TNIK: variants seen among roughly 807,000 people sequenced by gnomAD.
The protein encoded by TNIK is TRAF2 and NCK-interacting protein kinase.
In TNIK, 49 loss-of-function variants were observed where a neutral mutation model predicts 191.3. The observed-to-expected ratio is 0.26, with a 90% CI of 0.20 to 0.32. TNIK has a LOEUF of 0.32. Ranked by LOEUF, TNIK falls within the 10% of genes least tolerant of loss-of-function variation. The pLI, the probability that TNIK is intolerant of heterozygous loss-of-function variation, is 1.00. For missense variants in TNIK, 1,155 were observed against 1,702.3 expected (o/e 0.68, Z 5.66); for synonymous variants, 594 against 600.9 (o/e 0.99, Z 0.17).
In TNIK at chr3:171,093,944, G is replaced by C; in HGVS notation, c.2616C>G (p.Asn872Lys). 1 of 1,612,896 alleles carries C rather than the reference G, an allele frequency of 6.2e-7. No individual in the cohort carries two copies. The highest frequency in any genetic ancestry group is 8.5e-7 in the Non-Finnish European group (1 of 1,179,434). ...CCACCATTCCCACATTGTACTGCTC[G>C]TTGCTGCCTGGAGCTCCTGTTGGTC... ...RLIPTGAPGS[N>K]EQYNVGMVGT... is the part of the protein sequence containing the mutation. The change falls in exon 23 of 33, where the codon AAC (asparagine) becomes AAG (lysine). Residue 872 changes from asparagine to lysine, a missense_variant. Transcript: ENST00000436636.
chr3:171,156,200 A>G (rs1733154329), intron 12 of TNIK, among the ~76,000 whole-genome samples: 1 of 152,204 alleles, frequency 6.6e-6, no homozygotes, highest in African/African-American at 2.4e-5. Context: ...CATTACTAAA[A>G]TCACTCAATA....
At chr3:171,190,030 A>C (rs1215865401) in intron 6 of TNIK, among the ~76,000 whole-genome samples, 2 of 152,230 alleles carry the variant, frequency 1.3e-5, no homozygotes, top group African/African-American at 4.8e-5. Flanking sequence ...TCTAGATGAC[A>C]AGTTACATAT....
At chr3:171,200,214 C>T (rs1739234973) in intron 4 of TNIK, among the ~76,000 whole-genome samples, 1 of 151,770 alleles carries the variant, frequency 6.6e-6, no homozygotes, top group South Asian at 2.1e-4. Context: ...AAATAAATAA[C>T]TGGGTCAGAA....
At chr3:171,070,001 A>G (rs1280454042) in intron 29 of TNIK, among the ~76,000 whole-genome samples, 1 of 152,218 alleles carries the variant, frequency 6.6e-6, no homozygotes, top group Non-Finnish European at 1.5e-5. Flanking sequence ...GTCAGAAAGA[A>G]CATTTTGCAC....
intron 1 of TNIK, among the ~76,000 whole-genome samples, chr3:171,412,417 A>G (rs1008557160): frequency 1.3e-5 from 2 of 152,232 alleles, no homozygotes; most frequent in African/African-American, 4.8e-5. Flanking sequence ...CTTGTGCCAA[A>G]ATTTAAGTCT....
chr3:171,395,786 C>A (rs1270822547), intron 1 of TNIK, among the ~76,000 whole-genome samples: 1 of 152,130 alleles, frequency 6.6e-6, no homozygotes, highest in Non-Finnish European at 1.5e-5. Context: ...GTACCCACCA[C>A]CCTGCTTAGG....
intron 2 of TNIK, among the ~76,000 whole-genome samples, chr3:171,249,924 A>G (rs1746044542): frequency 1.3e-5 from 2 of 152,282 alleles, no homozygotes; most frequent in Non-Finnish European, 1.5e-5. Flanking sequence ...TTGTCAGGCT[A>G]AGGTTTTACA....
intron 11 of TNIK, 81 bp from the exon 12 acceptor site, chr3:171,157,745 G>A (rs1733412210): frequency 7.2e-7 from 1 of 1,386,146 alleles, no homozygotes; most frequent in Admixed American, 2.1e-5. Context: ...AGGAAAGCGG[G>A]ACAAATGATT....
chr3:171,277,299 A>G (rs1749864067), intron 2 of TNIK, among the ~76,000 whole-genome samples: 1 of 152,210 alleles, frequency 6.6e-6, no homozygotes, highest in Non-Finnish European at 1.5e-5. Flanking sequence ...TCTATAAATT[A>G]TGGCATTCTG....
chr3:171,308,875 G>GTTA (rs141799956), intron 2 of TNIK, among the ~76,000 whole-genome samples: 74,254 of 151,598 alleles, frequency 0.49, 18,711 homozygotes, highest in Middle Eastern at 0.51. Flanking sequence ...AGTTAGAATG[G>GTTA]TTATTAAAAA....
chr3:171,095,011 A>G (rs1722533598), intron 22 of TNIK, among the ~76,000 whole-genome samples: 1 of 152,226 alleles, frequency 6.6e-6, no homozygotes, highest in African/African-American at 2.4e-5. Context: ...AAGAAGAAAT[A>G]TCTACTAAGA....
intron 2 of TNIK, among the ~76,000 whole-genome samples, chr3:171,270,156 T>G (rs1482728136): frequency 6.6e-6 from 1 of 152,154 alleles, no homozygotes; most frequent in African/African-American, 2.4e-5. Context: ...CTTTCTAAGT[T>G]TAGAAGGAGC....
rs745774839 is a variant in TNIK, at chr3:171,284,024, C to T, written c.124-55803G>A. On this transcript the variant is annotated intron_variant, in intron 2 of 32. Transcript: ENST00000436636. ...AACTTTCTGGGTTTCACCATTTGCCCGTTATCCCCTGAGAAACATCAGCAT... is the reference window on the plus strand; with the variant it reads ...AACTTTCTGGGTTTCACCATTTGCCTGTTATCCCCTGAGAAACATCAGCAT... Among the ~76,000 whole-genome samples, 35 of 152,186 alleles carry T rather than the reference C, an allele frequency of 2.3e-4. 1 individual carries two copies. Among genetic ancestry groups the T allele is most frequent in the Non-Finnish European group, 3.8e-4 (26 of 68,004 alleles).
intron 2 of TNIK, among the ~76,000 whole-genome samples, chr3:171,285,966 C>G (rs1365848571): frequency 1.6e-5 from 2 of 126,804 alleles, no homozygotes; most frequent in Non-Finnish European, 3.5e-5. Flanking sequence ...GATGGTTTGG[C>G]CTGCTCATCC....
intron 4 of TNIK, among the ~76,000 whole-genome samples, chr3:171,198,212 G>A (rs180721251): frequency 6.0e-5 from 9 of 151,246 alleles, no homozygotes; most frequent in Non-Finnish European, 1.3e-4. Flanking sequence ...GCAGTGAGCC[G>A]AGATTGCACC....
Position 171,126,145 on chromosome 3 carries a change from G to A in TNIK, c.1780C>T (p.His594Tyr), listed in dbSNP as rs902718462. 6.5e-7 allele frequency: 1 copy of A among 1,535,542 alleles called. No individual in the cohort carries two copies. The highest frequency in any genetic ancestry group is 8.7e-7 in the Non-Finnish European group (1 of 1,145,222). ...CCCTGGGATTTTACAGCTACCAGAT[G>A]TGGGATCTAAGCATCAAAACAACAT... ...MLRPVDPQIP[H>Y]LVAVKSQGPA... The change falls in exon 17 of 33, where the codon CAT (histidine) becomes TAT (tyrosine). Residue 594 changes from histidine to tyrosine, a missense_variant. Physicochemically the swap from His to Tyr is moderately conservative, Grantham distance 83. This residue lies in a region of TNIK where 735 missense variants were observed against 848.0 expected (regional missense o/e 0.87). Coordinates refer to ENST00000436636, the MANE Select transcript of TNIK (RefSeq NM_015028.4).
intron 4 of TNIK, among the ~76,000 whole-genome samples, chr3:171,205,861 G>A (rs1283523674): frequency 6.6e-6 from 1 of 152,142 alleles, no homozygotes; most frequent in Non-Finnish European, 1.5e-5. Flanking sequence ...GGAGCTCTCT[G>A]GGTTCTTTTT....
intron 6 of TNIK, among the ~76,000 whole-genome samples, 176 bp from the exon 7 acceptor site, chr3:171,189,008 T>G (rs183801617): frequency 1.3e-5 from 2 of 152,340 alleles, no homozygotes; most frequent in East Asian, 3.9e-4. Flanking sequence ...TGTGCAACCT[T>G]CACCACTGTC....
rs142182909 is a variant in TNIK, at chr3:171,182,733, T to C, written c.640-5353A>G. ...GAAAGCATTCCTTCTGGGGCTGGGC[T>C]GCTCAACACAGTGAAGAAAAGCAAC... On this transcript the variant is annotated intron_variant, in intron 7 of 32. Coordinates refer to ENST00000436636, the MANE Select transcript of TNIK (RefSeq NM_015028.4). Among the ~76,000 whole-genome samples the C allele has an allele frequency of 3.9e-3, 590 of 152,320 alleles. 1 individual carries two copies. The highest frequency in any genetic ancestry group is 0.014 in the African/African-American group (569 of 41,582).
Sources: gnomAD v4.1 joint callset for allele counts (sites outside exome capture counted in the v4.1 genomes callset) on GRCh38, gnomAD v4.1.1 for gene constraint, gnomAD v4.1.1 regional missense constraint, MANE v1.5 for transcripts, NCBI Gene and HGNC (gene_info 2026-07-23, HGNC 2026-07-21) for gene names.